GRID2: variants seen among roughly 807,000 people sequenced by gnomAD.
GRID2 encodes the protein glutamate receptor ionotropic, delta-2.
A neutral mutation model predicts 114.8 loss-of-function variants in GRID2; 33 were observed. The ratio of observed to expected loss-of-function variants is 0.29; its 90% CI spans 0.22 to 0.38. The LOEUF (loss-of-function observed/expected upper bound fraction) is 0.38, where lower values mean the gene tolerates loss of function less well. Among genes scored for constraint, GRID2 ranks in the 10% least tolerant of loss-of-function variants. The pLI is 1.00. For missense variants in GRID2, 1,184 were observed against 1,257.7 expected, an observed-to-expected ratio of 0.94 and a Z score of 0.89; for synonymous variants, 505 against 449.9, an observed-to-expected ratio of 1.12 and a Z score of -1.55.
At chr4:92,731,386 C>G (rs1447096839) in intron 2 of GRID2, among the ~76,000 whole-genome samples, 1 of 151,922 alleles carries the variant, frequency 6.6e-6, no homozygotes. Flanking sequence ...TTACCAATTA[C>G]TTTTGCAACA....
intron 6 of GRID2, among the ~76,000 whole-genome samples, chr4:93,218,835 G>T (rs1037965747): frequency 2.0e-5 from 3 of 152,142 alleles, no homozygotes; most frequent in Non-Finnish European, 4.4e-5. Flanking sequence ...GAAAGGGGAA[G>T]CAAACATGTC....
chr4:93,100,726 A>G (rs1578987320), intron 3 of GRID2, among the ~76,000 whole-genome samples: 2 of 152,194 alleles, frequency 1.3e-5, no homozygotes, highest in East Asian at 3.9e-4. Flanking sequence ...AAAATGTATT[A>G]CATGATTAAA....
intron 2 of GRID2, among the ~76,000 whole-genome samples, chr4:92,872,765 G>A (rs1433744456): frequency 1.3e-5 from 2 of 152,142 alleles, no homozygotes; most frequent in African/African-American, 4.8e-5. Flanking sequence ...CTTACCCCTT[G>A]GACCCAGGGC....
chr4:93,044,757 C>G lies in GRID2; in HGVS notation c.245-40238C>G, dbSNP rs998415082. ...GTAATAATCATGTAGATGATAACCT[C>G]ATGGCCTGGAAGAGATTATGGCAAC... is the stretch of plus-strand genomic sequence containing the variant. On this transcript the variant is annotated intron_variant, in intron 2 of 15. Coordinates refer to ENST00000282020, the MANE Select transcript of GRID2 (RefSeq NM_001510.4). 2.6e-5 allele frequency among the ~76,000 whole-genome samples: 4 copies of G among 152,112 alleles called. No individual in the cohort carries two copies. In the South Asian group the frequency reaches 8.3e-4, roughly 31 times the overall value.
chr4:93,504,551 G>C (rs1210462301), intron 12 of GRID2, among the ~76,000 whole-genome samples: 1 of 151,982 alleles, frequency 6.6e-6, no homozygotes, highest in Non-Finnish European at 1.5e-5. Flanking sequence ...GTACGATGAA[G>C]TTTAATAGGG....
chr4:92,956,308 T>C (rs149439953), intron 2 of GRID2, among the ~76,000 whole-genome samples: 26 of 152,310 alleles, frequency 1.7e-4, no homozygotes, highest in Non-Finnish European at 3.1e-4. Flanking sequence ...TTGGACACAT[T>C]TTTAATGACA....
chr4:93,364,621 C>G (rs1036480679), intron 8 of GRID2, among the ~76,000 whole-genome samples: 2 of 151,934 alleles, frequency 1.3e-5, no homozygotes, highest in Non-Finnish European at 2.9e-5. Context: ...ACCACCCAGT[C>G]AAATGCCACC....
chr4:92,556,188 A>C (rs985896041), intron 1 of GRID2, among the ~76,000 whole-genome samples: 10 of 152,092 alleles, frequency 6.6e-5, no homozygotes, highest in African/African-American at 2.4e-4. Flanking sequence ...AATTCTAATA[A>C]CAAAAGGCAA....
chr4:93,170,618 A>G (rs185337893), intron 4 of GRID2, among the ~76,000 whole-genome samples: 1 of 152,192 alleles, frequency 6.6e-6, no homozygotes, highest in African/African-American at 2.4e-5. Context: ...CCCAAATTCT[A>G]TACATCAAAC....
intron 13 of GRID2, among the ~76,000 whole-genome samples, chr4:93,544,891 A>G (rs1211241692): frequency 6.6e-6 from 1 of 152,076 alleles, no homozygotes; most frequent in Non-Finnish European, 1.5e-5. Context: ...TGGCTATCTG[A>G]CCCCAAAACA....
At chr4:92,412,357 T>G (rs1044031772) in intron 1 of GRID2, among the ~76,000 whole-genome samples, 12 of 152,154 alleles carry the variant, frequency 7.9e-5, no homozygotes, top group Admixed American at 3.9e-4. Context: ...TTCTTTGCAA[T>G]ACACATTGTA....
At chr4:92,838,490 C>A (rs1742634795) in intron 2 of GRID2, among the ~76,000 whole-genome samples, 1 of 151,936 alleles carries the variant, frequency 6.6e-6, no homozygotes, top group African/African-American at 2.4e-5. Flanking sequence ...ATCAAATAAT[C>A]CCAAACATAA....
intron 8 of GRID2, among the ~76,000 whole-genome samples, chr4:93,267,191 T>C: frequency 6.6e-6 from 1 of 151,776 alleles, no homozygotes; most frequent in East Asian, 1.9e-4. Flanking sequence ...TTTTATTATT[T>C]TTTTTATTAT....
At chr4:92,613,525 A>G (rs1729851743) in intron 2 of GRID2, among the ~76,000 whole-genome samples, 1 of 151,524 alleles carries the variant, frequency 6.6e-6, no homozygotes, top group Non-Finnish European at 1.5e-5. Flanking sequence ...GATAGAAGTT[A>G]GCAGTATGTT....
chr4:93,034,305 A>G (rs1363120498), intron 2 of GRID2, among the ~76,000 whole-genome samples: 1 of 152,226 alleles, frequency 6.6e-6, no homozygotes, highest in Non-Finnish European at 1.5e-5. Flanking sequence ...CAAGGCAGAC[A>G]GTCTGTCATC....
intron 2 of GRID2, among the ~76,000 whole-genome samples, chr4:92,642,868 C>G (rs1300347822): frequency 6.6e-6 from 1 of 151,724 alleles, no homozygotes; most frequent in Admixed American, 6.6e-5. Flanking sequence ...TTTCATTCTT[C>G]TGCATGCTTG....
intron 2 of GRID2, among the ~76,000 whole-genome samples, chr4:92,980,663 T>C (rs948572021): frequency 1.3e-5 from 2 of 152,044 alleles, no homozygotes; most frequent in African/African-American, 4.8e-5. Flanking sequence ...ACAATACAAA[T>C]GTGCAAATGT....
At chr4:93,743,520 A>T (rs1033654794) in intron 14 of GRID2, among the ~76,000 whole-genome samples, 6 of 152,194 alleles carry the variant, frequency 3.9e-5, no homozygotes, top group Non-Finnish European at 4.4e-5. Flanking sequence ...TTCTCGCTGG[A>T]AGATTGGGCA....
At chr4:92,318,290 G>GTGTA (rs369526929) in intron 1 of GRID2, among the ~76,000 whole-genome samples, 166 of 104,098 alleles carry the variant, frequency 1.6e-3, no homozygotes, top group African/African-American at 2.9e-3. Context: ...ATATATGTGT[G>GTGTA]TATATATATA....
Sources: gnomAD v4.1 joint callset for allele counts (sites outside exome capture counted in the v4.1 genomes callset) on GRCh38, gnomAD v4.1.1 for gene constraint, MANE v1.5 for transcripts, NCBI Gene and HGNC (gene_info 2026-07-23, HGNC 2026-07-21) for gene names.